The following ALOX5 variants were observed in gnomAD, a reference collection of about 807,000 sequenced individuals.
ALOX5 encodes the protein polyunsaturated fatty acid 5-lipoxygenase.
A neutral mutation model predicts 87.9 loss-of-function variants in ALOX5; 64 were observed. The observed-to-expected ratio is 0.73, with a 90% CI of 0.60 to 0.90. The LOEUF (loss-of-function observed/expected upper bound fraction) is 0.90. Ranked by LOEUF, ALOX5 falls within the 40% of genes least tolerant of loss-of-function variation. ALOX5 has a pLI of 0.00. For synonymous variants in ALOX5, 388 were observed against 355.1 expected, an observed-to-expected ratio of 1.09 and a Z score of -1.04; for missense variants, 822 against 907.5, an observed-to-expected ratio of 0.91 and a Z score of 1.21.
intron 2 of ALOX5, among the ~76,000 whole-genome samples, chr10:45,393,607 A>C (rs1840381783): frequency 6.6e-6 from 1 of 152,226 alleles, no homozygotes; most frequent in Non-Finnish European, 1.5e-5. Context: ...TGGCCAGGGC[A>C]ATCAGGCAGG....
intron 3 of ALOX5, among the ~76,000 whole-genome samples, chr10:45,411,516 C>T (rs76698944): frequency 0.017 from 2,628 of 152,324 alleles, 27 homozygotes; most frequent in Middle Eastern, 0.065. Context: ...CCACGGGATA[C>T]GTTTCAAGGA....
intron 3 of ALOX5, among the ~76,000 whole-genome samples, chr10:45,397,311 C>T (rs556243114): frequency 1.4e-4 from 22 of 152,266 alleles, no homozygotes; most frequent in Admixed American, 1.0e-3. Flanking sequence ...ACCCAGAAGG[C>T]GGAGGTTGCA....
At chr10:45,431,793 C>T (rs1401395041) in intron 7 of ALOX5, among the ~76,000 whole-genome samples, 1 of 152,094 alleles carries the variant, frequency 6.6e-6, no homozygotes, top group Admixed American at 6.5e-5. Context: ...AGGCTGGTCT[C>T]GAACTCCTGA....
intron 4 of ALOX5, among the ~76,000 whole-genome samples, chr10:45,419,119 C>G (rs563797632): frequency 1.8e-4 from 28 of 152,336 alleles, no homozygotes; most frequent in Admixed American, 9.8e-4. Flanking sequence ...TACGTAGAGG[C>G]GCTATGAGCC....
chr10:45,442,982 G>T, intron 9 of ALOX5, 56 bp from the exon 10 acceptor site: 2 of 1,566,272 alleles, frequency 1.3e-6, no homozygotes, highest in South Asian at 2.4e-5. Flanking sequence ...TCAGGGATGG[G>T]TCTGGACAGC....
chr10:45,389,739 A>T (rs1240438813), intron 2 of ALOX5, among the ~76,000 whole-genome samples: 4 of 152,250 alleles, frequency 2.6e-5, no homozygotes, highest in Non-Finnish European at 5.9e-5. Context: ...CTGCAAAAAC[A>T]TGCCACATTG....
At chr10:45,423,739 C>A (rs1365358891) in intron 4 of ALOX5, among the ~76,000 whole-genome samples, 1 of 152,156 alleles carries the variant, frequency 6.6e-6, no homozygotes, top group Admixed American at 6.5e-5. Flanking sequence ...ACTGGCCCAC[C>A]GAGTGGGGGA....
chr10:45,386,355 A>G (rs1840007933), intron 2 of ALOX5, among the ~76,000 whole-genome samples: 1 of 151,906 alleles, frequency 6.6e-6, no homozygotes. Context: ...AGTCCCAACT[A>G]CTTAGGAGGC....
intron 4 of ALOX5, among the ~76,000 whole-genome samples, chr10:45,416,856 GGATA>G (rs1433020254): frequency 6.6e-6 from 1 of 151,778 alleles, no homozygotes; most frequent in Non-Finnish European, 1.5e-5. Context: ...ATGGATGGAT[GGATA>G]GATGGGTGGA....
At chr10:45,428,571 G>T (rs1481430171) in intron 6 of ALOX5, 47 bp from the exon 7 acceptor site, 4 of 1,608,200 alleles carry the variant, frequency 2.5e-6, no homozygotes, top group Non-Finnish European at 3.4e-6. Flanking sequence ...CTGATTTTTG[G>T]TCCGTCTGCT....
intron 4 of ALOX5, among the ~76,000 whole-genome samples, chr10:45,421,002 G>T (rs1182701517): frequency 6.6e-6 from 1 of 152,230 alleles, no homozygotes; most frequent in African/African-American, 2.4e-5. Context: ...ACAGGAGAAA[G>T]CTGAAGATGC....
intron 3 of ALOX5, among the ~76,000 whole-genome samples, chr10:45,408,274 T>G (rs1365193309): frequency 1.3e-5 from 2 of 152,150 alleles, no homozygotes; most frequent in African/African-American, 4.8e-5. Context: ...CCAAGGTGGT[T>G]GGGGTACAGC....
intron 1 of ALOX5, among the ~76,000 whole-genome samples, chr10:45,376,728 T>G (rs910235289): frequency 6.6e-6 from 1 of 152,216 alleles, no homozygotes; most frequent in Admixed American, 6.5e-5. Context: ...AGTCAAATAA[T>G]GGACAGGACT....
intron 7 of ALOX5, among the ~76,000 whole-genome samples, chr10:45,435,225 C>G (rs1163257650): frequency 6.6e-6 from 1 of 151,420 alleles, no homozygotes; most frequent in Non-Finnish European, 1.5e-5. Flanking sequence ...AGCACTGGGC[C>G]CATCCTCATT....
intron 1 of ALOX5, among the ~76,000 whole-genome samples, chr10:45,376,247 T>G (rs1476698339): frequency 2.7e-5 from 4 of 148,498 alleles, no homozygotes; most frequent in Admixed American, 2.1e-4. Flanking sequence ...ATTAAACACC[T>G]CAGCCGGAAT....
At chr10:45,414,049 A>G in intron 4 of ALOX5, among the ~76,000 whole-genome samples, 1 of 152,172 alleles carries the variant, frequency 6.6e-6, no homozygotes. Context: ...TCCCCATCAA[A>G]CTACCAATGA....
intron 4 of ALOX5, among the ~76,000 whole-genome samples, chr10:45,420,326 ATT>A (rs1188525070): frequency 6.6e-6 from 1 of 152,222 alleles, no homozygotes; most frequent in Admixed American, 6.5e-5. Flanking sequence ...TTTCAATTTT[ATT>A]TGCTAAGGTA....
At chr10:45,427,248 G>A (rs1841742346) in intron 6 of ALOX5, among the ~76,000 whole-genome samples, 1 of 152,140 alleles carries the variant, frequency 6.6e-6, no homozygotes, top group Non-Finnish European at 1.5e-5. Context: ...ATTCCTTCTG[G>A]GTAGAGTCTG....
intron 2 of ALOX5, among the ~76,000 whole-genome samples, chr10:45,391,438 C>G: frequency 6.6e-6 from 1 of 152,080 alleles, no homozygotes; most frequent in Non-Finnish European, 1.5e-5. Flanking sequence ...GATCTCGGCT[C>G]GCTACAACCT....
Sources: allele counts gnomAD v4.1 joint callset (sites outside exome capture counted in the v4.1 genomes callset), GRCh38; gene constraint gnomAD v4.1.1; transcripts MANE v1.5; gene names NCBI Gene and HGNC (gene_info 2026-07-23, HGNC 2026-07-21).